GPC5: variants seen among roughly 807,000 people sequenced by gnomAD.
GPC5 encodes the protein glypican-5.
Under a neutral mutation model 53.9 loss-of-function variants are expected in GPC5, and 47 were observed. The observed-to-expected ratio is 0.87, with a 90% CI of 0.69 to 1.11. GPC5 has a LOEUF of 1.11. Ranked by LOEUF, GPC5 falls within the 50% of genes most tolerant of loss-of-function variation. GPC5 has a pLI of 0.00. For synonymous variants in GPC5, 286 were observed against 263.3 expected, an observed-to-expected ratio of 1.09 and a Z score of -0.84; for missense variants, 748 against 713.1, an observed-to-expected ratio of 1.05 and a Z score of -0.56.
At chr13:92,160,698 G>A (rs752319362) in intron 7 of GPC5, among the ~76,000 whole-genome samples, 26 of 152,010 alleles carry the variant, frequency 1.7e-4, no homozygotes, top group Non-Finnish European at 3.7e-4. Flanking sequence ...TCTGAAGACT[G>A]ACTGACTAAC....
chr13:92,275,457 T>C (rs1468121914), intron 7 of GPC5, among the ~76,000 whole-genome samples: 1 of 152,170 alleles, frequency 6.6e-6, no homozygotes, highest in East Asian at 1.9e-4. Flanking sequence ...TAACAGGACA[T>C]AATTTTGACT....
chr13:91,584,545 A>G (rs536782868), intron 2 of GPC5, among the ~76,000 whole-genome samples: 2 of 152,146 alleles, frequency 1.3e-5, no homozygotes, highest in Non-Finnish European at 2.9e-5. Flanking sequence ...ATTCATTGAT[A>G]ATATAAGAGA....
At chr13:92,338,074 G>C (rs1053771371) in intron 7 of GPC5, among the ~76,000 whole-genome samples, 12 of 152,032 alleles carry the variant, frequency 7.9e-5, no homozygotes, top group African/African-American at 2.9e-4. Context: ...ATAAAGGATT[G>C]TTATCCCAAA....
chr13:91,460,392 G>A (rs1394981821), intron 2 of GPC5, among the ~76,000 whole-genome samples: 1 of 151,658 alleles, frequency 6.6e-6, no homozygotes, highest in Non-Finnish European at 1.5e-5. Context: ...CCACTTCCTG[G>A]GTTCAAGCAA....
intron 7 of GPC5, among the ~76,000 whole-genome samples, chr13:92,575,045 G>A (rs2139045592): frequency 6.6e-6 from 1 of 152,230 alleles, no homozygotes; most frequent in South Asian, 2.1e-4. Flanking sequence ...ACCTCCTGAG[G>A]CGCTACCCTT....
intron 7 of GPC5, among the ~76,000 whole-genome samples, chr13:92,359,994 T>A (rs987354459): frequency 9.2e-5 from 14 of 151,744 alleles, no homozygotes; most frequent in African/African-American, 3.4e-4. Flanking sequence ...TGTCACATAT[T>A]TTGCAAATAT....
At chr13:92,217,686 A>T (rs547802403) in intron 7 of GPC5, among the ~76,000 whole-genome samples, 44 of 152,246 alleles carry the variant, frequency 2.9e-4, no homozygotes, top group Non-Finnish European at 4.9e-4. Context: ...CTGTGCTTTC[A>T]TAAGCATCAT....
intron 2 of GPC5, among the ~76,000 whole-genome samples, chr13:91,689,766 A>G (rs1268508049): frequency 6.6e-6 from 1 of 152,182 alleles, no homozygotes; most frequent in Non-Finnish European, 1.5e-5. Context: ...TTCAGGAACA[A>G]TAACAGGCAT....
chr13:91,744,281 A>G (rs1280223122), intron 4 of GPC5, among the ~76,000 whole-genome samples: 1 of 152,128 alleles, frequency 6.6e-6, no homozygotes, highest in Non-Finnish European at 1.5e-5. Flanking sequence ...TAGGCCACCC[A>G]TCAGAAAAAC....
At chr13:92,856,468 T>C (rs1879003003) in intron 7 of GPC5, among the ~76,000 whole-genome samples, 1 of 151,946 alleles carries the variant, frequency 6.6e-6, no homozygotes, top group Admixed American at 6.6e-5. Context: ...TCCTATTCAA[T>C]GTAATATTGA....
At chr13:91,424,766 T>C (rs745719361) in intron 1 of GPC5, among the ~76,000 whole-genome samples, 10 of 152,062 alleles carry the variant, frequency 6.6e-5, no homozygotes, top group Non-Finnish European at 1.3e-4. Flanking sequence ...CTGGGCCCAG[T>C]GTGAAGGCTG....
At position 91,545,366 on chromosome 13, in the gene GPC5, A is replaced by AT. The variant is rs551173878; in HGVS notation, c.325+96451dup. Among the ~76,000 whole-genome samples, 308 of 152,180 alleles carry AT rather than the reference A, an allele frequency of 2.0e-3. 2 individuals carry two copies. Among genetic ancestry groups the AT allele is most frequent in the South Asian group, 1.0e-3 (5 of 4,824 alleles). ...GATGTGGACTGTGAACTCCCTGATA[A>AT]TTTTTTTGTTTCATTTAACTAATAC... is the stretch of plus-strand genomic sequence containing the variant. On this transcript the variant is annotated intron_variant, in intron 2 of 7. Coordinates refer to ENST00000377067, the MANE Select transcript of GPC5 (RefSeq NM_004466.6).
chr13:91,978,221 G>A (rs2040325171), intron 6 of GPC5, among the ~76,000 whole-genome samples: 2 of 152,162 alleles, frequency 1.3e-5, no homozygotes, highest in African/African-American at 4.8e-5. Context: ...GTACAATTTT[G>A]CCTCCTCAAC....
intron 7 of GPC5, among the ~76,000 whole-genome samples, chr13:92,716,455 A>T (rs1022338774): frequency 9.9e-5 from 15 of 151,796 alleles, no homozygotes; most frequent in Admixed American, 3.3e-4. Context: ...GAGGCTCCTC[A>T]GATACTGTTT....
intron 7 of GPC5, among the ~76,000 whole-genome samples, chr13:92,781,336 TTTCAC>T (rs562092122): frequency 6.6e-4 from 101 of 152,272 alleles, no homozygotes; most frequent in Non-Finnish European, 7.6e-4. Context: ...TGATATTTCC[TTTCAC>T]TTTTTTTTCA....
At chr13:91,593,104 C>T (rs1252713849) in intron 2 of GPC5, among the ~76,000 whole-genome samples, 4 of 152,206 alleles carry the variant, frequency 2.6e-5, no homozygotes, top group Admixed American at 1.3e-4. Context: ...GCGAGGCTTT[C>T]TGTAGCCAGG....
chr13:92,500,458 G>C (rs566132670), intron 7 of GPC5, among the ~76,000 whole-genome samples: 1 of 152,300 alleles, frequency 6.6e-6, no homozygotes, highest in East Asian at 1.9e-4. Context: ...TCAAAGGTTA[G>C]TCTTAGGACC....
At chr13:91,894,402 CAG>C (rs2039419760) in intron 5 of GPC5, among the ~76,000 whole-genome samples, 1 of 152,156 alleles carries the variant, frequency 6.6e-6, no homozygotes, top group South Asian at 2.1e-4. Flanking sequence ...TGTATGGTTG[CAG>C]TCTCTTAATT....
At chr13:91,771,809 T>C (rs2037630528) in intron 5 of GPC5, among the ~76,000 whole-genome samples, 1 of 152,224 alleles carries the variant, frequency 6.6e-6, no homozygotes, top group East Asian at 1.9e-4. Flanking sequence ...TACAGAAAGA[T>C]ATGATATCTT....
Sources: gnomAD v4.1 joint callset for allele counts (sites outside exome capture counted in the v4.1 genomes callset) on GRCh38, gnomAD v4.1.1 for gene constraint, MANE v1.5 for transcripts, NCBI Gene and HGNC (gene_info 2026-07-23, HGNC 2026-07-21) for gene names.